Variants in UBA6 observed in about 807,000 individuals in gnomAD.
UBA6 encodes the protein ubiquitin-like modifier-activating enzyme 6.
Under a neutral mutation model 148.3 loss-of-function variants are expected in UBA6, and 87 were observed. The ratio of observed to expected loss-of-function variants is 0.59; its 90% CI spans 0.49 to 0.70. UBA6 has a LOEUF of 0.70. Among genes scored for constraint, UBA6 ranks in the 30% least tolerant of loss-of-function variants. The pLI is 0.00. For synonymous variants in UBA6, 376 were observed against 401.0 expected, an observed-to-expected ratio of 0.94 and a Z score of 0.75; for missense variants, 1,186 against 1,241.2, an observed-to-expected ratio of 0.96 and a Z score of 0.67.
At chr4:67,662,402 A>C in intron 12 of UBA6, 147 bp from the exon 13 acceptor site, 1 of 573,178 alleles carries the variant, frequency 1.7e-6, no homozygotes, top group South Asian at 2.7e-5. Flanking sequence ...TGATTTAAAG[A>C]TGATTGGCTT....
intron 1 of UBA6, 58 bp from the exon 2 acceptor site, chr4:67,696,765 CTTGT>C: frequency 2.2e-6 from 3 of 1,389,014 alleles, no homozygotes; most frequent in Non-Finnish European, 3.0e-6. Flanking sequence ...TATTTGATTA[CTTGT>C]GTGATCAGAT....
intron 18 of UBA6, 126 bp from the exon 19 acceptor site, chr4:67,639,250 T>G: frequency 1.5e-6 from 1 of 652,718 alleles, no homozygotes; most frequent in Non-Finnish European, 2.4e-6. Context: ...ATAATGAGAG[T>G]AATGAGACCA....
Position 67,646,742 on chromosome 4 carries a change from C to T in UBA6, c.1298G>A (p.Cys433Tyr), listed in dbSNP as rs778534387. ...TTATTACCGTGGGAGAAATTCTTCA[C>T]ATTCAGGTTTGCCTAGTGATTCAAC... Reference protein sequence around the residue: ...DIVESLGKPECEEFLPRGDRY... With the variant: ...DIVESLGKPEYEEFLPRGDRY... The change falls in exon 15 of 33, where the codon TGT becomes TAT. Residue 433 changes from cysteine to tyrosine, a missense_variant. By Grantham distance (194) the Cys-to-Tyr change is radical. Coordinates refer to ENST00000322244, the MANE Select transcript of UBA6 (RefSeq NM_018227.6). 6.2e-7 allele frequency: 1 copy of T among 1,605,342 alleles called. No individual in the cohort carries two copies. Among genetic ancestry groups the T allele is most frequent in the Non-Finnish European group, 8.5e-7 (1 of 1,176,402 alleles).
Position 67,668,681 on chromosome 4 carries a change from A to G in UBA6, c.670-7T>C, listed in dbSNP as rs1199001920. 1.2e-6 allele frequency: 2 copies of G among 1,610,172 alleles called. No homozygotes were observed. Among genetic ancestry groups the G allele is most frequent in the African/African-American group, 2.7e-5 (2 of 74,832 alleles). ...TAACAATGCCAGGATTTGCCTAAAA[A>G]TAAGAGTAATCTATTAAAAAAGAAC... is the stretch of plus-strand genomic sequence containing the variant. On this transcript the variant is annotated splice_region_variant and splice_polypyrimidine_tract_variant and intron_variant, in intron 8 of 32. Coordinates refer to ENST00000322244, the MANE Select transcript of UBA6 (RefSeq NM_018227.6).
At chr4:67,646,075 T>C (rs1009622797) in intron 15 of UBA6, 59 bp from the exon 16 acceptor site, 2 of 962,520 alleles carry the variant, frequency 2.1e-6, no homozygotes, top group African/African-American at 1.6e-5. Context: ...TTAGTTTCAC[T>C]GTCATTAATA....
intron 2 of UBA6, 107 bp from the exon 3 acceptor site, chr4:67,682,320 A>G: frequency 1.3e-6 from 1 of 746,388 alleles, no homozygotes; most frequent in Non-Finnish European, 2.3e-6. Flanking sequence ...CGGCCCACAG[A>G]CTTGTTATGA....
rs193041914 is a variant in UBA6, at chr4:67,616,273, G to T, written c.*2724C>A. The T allele has an allele frequency of 1.6e-5, 6 of 385,478 alleles. No individual in the cohort carries two copies. Among genetic ancestry groups the T allele is most frequent in the African/African-American group, 1.0e-4 (5 of 47,928 alleles). 23.9% of individuals were successfully genotyped at this position (385,478 alleles called of 1,614,324 possible). ...AAAATTAGATATTTGCAATCACAAT[G>T]AATATTCATTATAGTGGAAAGATTT... On this transcript the variant is annotated 3_prime_UTR_variant, in exon 33 of 33. Transcript: ENST00000322244.
Position 67,646,008 on chromosome 4 carries a change from C to A in UBA6, c.1325G>T (p.Arg442Ile). The A allele has an allele frequency of 6.4e-7, 1 of 1,561,452 alleles. No homozygotes were observed. Among genetic ancestry groups the A allele is most frequent in the South Asian group, 1.2e-5 (1 of 81,886 alleles). Residue 442 changes from arginine (R) to isoleucine (I), a missense_variant, in exon 16 of 33, where the codon AGA (arginine) becomes ATA (isoleucine). Physicochemically the swap from Arg to Ile is moderately conservative, Grantham distance 97. Transcript: ENST00000322244. ...AATGCAAGCTCTTAAGGCATCATAT[C>A]TATCTCCTCTGAAAAAAATAACATA... Reference protein sequence around the residue: ...ECEEFLPRGDRYDALRACIGD... With the variant: ...ECEEFLPRGDIYDALRACIGD...
Position 67,616,041 on chromosome 4 carries a change from T to C in UBA6, c.*2956A>G, listed in dbSNP as rs1005595341. The C allele has an allele frequency of 1.3e-5, 5 of 388,992 alleles. No individual in the cohort carries two copies. The highest frequency in any genetic ancestry group is 2.3e-5 in the Non-Finnish European group (5 of 219,722). 24.1% of individuals were successfully genotyped at this position (388,992 alleles called of 1,614,324 possible). A position where few individuals can be genotyped will look rare whatever the true frequency, so the allele number is the denominator to read the frequency against. On this transcript the variant is annotated 3_prime_UTR_variant, in exon 33 of 33. Transcript: ENST00000322244. ...TTTATATTTTATGTATTTTTGAATA[T>C]ATATGTGTTTTTGAAAAATATATAT...
At chr4:67,668,526 G>A (rs375981565) in intron 9 of UBA6, 25 bp downstream of exon 9, 11 of 1,594,702 alleles carry the variant, frequency 6.9e-6, no homozygotes, top group Non-Finnish European at 8.6e-6. Context: ...AAGTATAAAT[G>A]AATTAATAAA....
rs1417200358 is a variant in UBA6, at chr4:67,670,536, A to T, written c.603T>A (p.Asp201Glu). The change falls in exon 8 of 33, where the codon GAT (aspartate) becomes GAA (glutamate). Residue 201 changes from aspartate to glutamate, a missense_variant. Physicochemically the swap from Asp to Glu is conservative, Grantham distance 45. Transcript: ENST00000322244. ...CTGTTGTATCTAAAACTTCAAATTC[A>T]TCACCGAAATCACAAAATAACCTTG... ...IWSRLFCDFG[D>E]EFEVLDTTGE... 6.2e-7 allele frequency: 1 copy of T among 1,608,012 alleles called. No homozygotes were observed.
intron 13 of UBA6, among the ~76,000 whole-genome samples, chr4:67,657,531 T>C (rs1482175235): frequency 2.6e-5 from 4 of 152,112 alleles, no homozygotes; most frequent in Non-Finnish European, 5.9e-5. Context: ...TAACTCAAGA[T>C]GGATTAAAGA....
intron 10 of UBA6, among the ~76,000 whole-genome samples, chr4:67,664,959 T>C (rs1460540635): frequency 2.6e-5 from 4 of 152,128 alleles, no homozygotes; most frequent in African/African-American, 4.8e-5. Flanking sequence ...TATATGTATA[T>C]GGTATTCTGG....
intron 6 of UBA6, among the ~76,000 whole-genome samples, chr4:67,675,481 A>C (rs956171464): frequency 2.0e-5 from 3 of 152,224 alleles, no homozygotes; most frequent in African/African-American, 7.2e-5. Context: ...CTATAATCCC[A>C]GCACTTTGGG....
In UBA6 at chr4:67,623,192, T is replaced by C. The variant is rs1404021527; in HGVS notation, c.2871A>G (p.Arg957=). 2 of 1,612,700 alleles carry C rather than the reference T, an allele frequency of 1.2e-6. No individual in the cohort carries two copies. Among genetic ancestry groups the C allele is most frequent in the African/African-American group, 1.3e-5 (1 of 74,876 alleles). The change falls in exon 31 of 33, where the codon CGA becomes CGG. Residue 957 remains arginine (R), a synonymous_variant. Coordinates refer to ENST00000322244, the MANE Select transcript of UBA6 (RefSeq NM_018227.6). ...RNGISFTIWD[R]WTVHGKEDFT... ...AATCTTCTTTTCCATGTACGGTCCA[T>C]CGATCCCAAATTGTAAATGATATTC...
chr4:67,665,586 T>C (rs143711581), intron 9 of UBA6, among the ~76,000 whole-genome samples: 3 of 151,726 alleles, frequency 2.0e-5, no homozygotes, highest in African/African-American at 4.8e-5. Flanking sequence ...AAATATATCA[T>C]AAAGCCTCAA....
In UBA6 at chr4:67,624,173, T is replaced by C. The variant is rs774987815; in HGVS notation, c.2793A>G (p.Pro931=). Residue 931 remains proline, a synonymous_variant, in exon 30 of 33, where the codon CCA becomes CCG. Transcript: ENST00000322244. ...YKNCFLNLAI[P]IVVFTETTEV... Reference sequence around the variant, plus strand: ...CAGTTGTCTCTGTAAATACTACAATTGGAATGGCTAAGTTAAGAAAACAAT... The same window carrying C: ...CAGTTGTCTCTGTAAATACTACAATCGGAATGGCTAAGTTAAGAAAACAAT... 2 of 1,609,344 alleles carry C rather than the reference T, an allele frequency of 1.2e-6. No individual in the cohort carries two copies. Among genetic ancestry groups the C allele is most frequent in the Admixed American group, 1.7e-5 (1 of 59,272 alleles).
At chr4:67,662,934 A>T in intron 12 of UBA6, 1 of 394,840 alleles carries the variant, frequency 2.5e-6, no homozygotes. Flanking sequence ...GGAAAAATTC[A>T]CATTTAGTAT....
intron 6 of UBA6, among the ~76,000 whole-genome samples, chr4:67,676,915 T>C (rs1320727351): frequency 6.8e-6 from 1 of 146,242 alleles, no homozygotes; most frequent in African/African-American, 2.5e-5. Context: ...AAAAAAAAAA[T>C]CAGGGTCAAC....
Sources: gnomAD v4.1 joint callset for allele counts (sites outside exome capture counted in the v4.1 genomes callset) on GRCh38, gnomAD v4.1.1 for gene constraint, MANE v1.5 for transcripts, NCBI Gene and HGNC (gene_info 2026-07-23, HGNC 2026-07-21) for gene names.